Variants in B9D1 observed in about 807,000 individuals in gnomAD.
B9D1 encodes B9 domain-containing protein 1.
B9D1 carries 20 observed loss-of-function variants against 26.1 expected under a neutral mutation model. The ratio of observed to expected loss-of-function variants is 0.77; its 90% CI spans 0.54 to 1.12. The LOEUF is 1.12. B9D1 is among the 50% of genes most tolerant of loss of function. The pLI, the probability that B9D1 is intolerant of heterozygous loss-of-function variation, is 0.00. For missense variants in B9D1, 260 were observed against 273.7 expected (o/e 0.95, Z 0.35); for synonymous variants, 105 against 103.1 (o/e 1.02, Z -0.11).
At chr17:19,357,604 C>T in intron 3 of B9D1, 1 of 568,000 alleles carries the variant, frequency 1.8e-6, no homozygotes. Context: ...CCCTGATGCA[C>T]TCTGAACTTC....
chr17:19,343,747 AC>A (rs772723401), intron 6 of B9D1, 42 bp downstream of exon 6: 7 of 1,613,096 alleles, frequency 4.3e-6, no homozygotes, highest in Middle Eastern at 1.6e-4. Flanking sequence ...CCAGGCTGTA[AC>A]CTGTATGGGG....
chr17:19,373,304 T>G (rs1166188804), intron 1 of B9D1, among the ~76,000 whole-genome samples: 3 of 152,154 alleles, frequency 2.0e-5, no homozygotes, highest in African/African-American at 7.2e-5. Flanking sequence ...CTGTTCTGCT[T>G]CTTGGTTCCT....
At chr17:19,363,866 G>C (rs1911421908), upstream of B9D1, 1 of 152,118 alleles carries the variant, frequency 6.6e-6, no homozygotes, top group South Asian at 2.1e-4. Flanking sequence ...TCAGGGGAGG[G>C]AGGCAGCGGG....
At chr17:19,342,406 T>TG (rs34146414), downstream of B9D1, among the ~76,000 whole-genome samples, 3 of 151,002 alleles carry the variant, frequency 2.0e-5, no homozygotes, top group Admixed American at 6.6e-5. Flanking sequence ...GGCTGGGAGG[T>TG]GGGGGTTTGC....
chr17:19,346,529 G>A (rs1274470350), intron 5 of B9D1, among the ~76,000 whole-genome samples: 1 of 152,194 alleles, frequency 6.6e-6, no homozygotes, highest in East Asian at 1.9e-4. Flanking sequence ...CTGCCCAACT[G>A]CGCTAATGGT....
chr17:19,365,847 T>C (rs1911564741), upstream of B9D1, among the ~76,000 whole-genome samples: 6 of 141,588 alleles, frequency 4.2e-5, no homozygotes, highest in South Asian at 1.3e-3. The surrounding 1 kb of genome is among the most constrained non-coding windows in gnomAD (Gnocchi z 5.0). Flanking sequence ...GTAGCTATTC[T>C]TTTTTTTTTT....
intron 1 of B9D1, among the ~76,000 whole-genome samples, chr17:19,361,759 A>C (rs1024088466): frequency 1.3e-5 from 2 of 152,212 alleles, no homozygotes; most frequent in African/African-American, 4.8e-5. Flanking sequence ...ATAATAATAA[A>C]CACCACCTCC....
At position 19,343,706 on chromosome 17, in the gene B9D1, G is replaced by C. The variant is rs745423940; in HGVS notation, c.472+84C>G. On this transcript the variant is annotated intron_variant, in intron 6 of 6. Transcript: ENST00000261499. ...CTCCTATGTGCCTGGCAGGTCCCCG[G>C]CATTCACCCCAACCCTGGGCCCACC... is the stretch of plus-strand genomic sequence containing the variant. 4 of 1,613,014 alleles carry C rather than the reference G, an allele frequency of 2.5e-6. No individual in the cohort carries two copies. The African/African-American group carries it at 4.0e-5, about 16-fold the overall frequency.
upstream of B9D1, chr17:19,362,989 C>G (rs1280435603): frequency 3.6e-6 from 1 of 277,168 alleles, no homozygotes; most frequent in Non-Finnish European, 7.4e-6. Context: ...CCGACTCACG[C>G]CCTCAGCAAG....
rs774504181 is a variant in B9D1 at position 19,347,899 on chromosome 17, G to T, written c.245-19C>A. 97 of 1,609,796 alleles carry T rather than the reference G, an allele frequency of 6.0e-5. 2 individuals carry two copies. The highest frequency in any genetic ancestry group is 3.1e-4 in the East Asian group (14 of 44,856). On this transcript the variant is annotated intron_variant, in intron 3 of 6. Coordinates refer to ENST00000261499, the MANE Select transcript of B9D1 (RefSeq NM_015681.6). This position sits in a 1 kb window ranked among gnomAD's most constrained non-coding sequence, Gnocchi z 4.3. ...TGTGGCCCTTGGGAAGGACAAGGCA[G>T]GGGGTGGGCACATGAGGACACACAG...
intron 5 of B9D1, among the ~76,000 whole-genome samples, chr17:19,345,851 C>T (rs1273935501): frequency 1.2e-4 from 19 of 152,154 alleles, no homozygotes; most frequent in Admixed American, 1.1e-3. Flanking sequence ...TGGGGATGAC[C>T]GAGGTGTCAG....
At chr17:19,339,411 C>G (rs773038411), downstream of B9D1, among the ~76,000 whole-genome samples, 2 of 152,280 alleles carry the variant, frequency 1.3e-5, no homozygotes, top group Admixed American at 6.5e-5. Flanking sequence ...AGAGTCTTAG[C>G]AAATGTCTTG....
upstream of B9D1, chr17:19,363,598 G>T (rs1911399969): frequency 6.6e-6 from 1 of 152,366 alleles, no homozygotes; most frequent in Admixed American, 6.5e-5. Context: ...AGCCCCAACA[G>T]CATCTGTTGG....
chr17:19,343,872 G>T lies in B9D1; in HGVS notation c.405-15C>A, dbSNP rs1272687616. The stretch of plus-strand genomic sequence containing the variant: ...CCATGAACCAGCTGGGAACACAGAA[G>T]AACACAGGTGAGCAGGGCCCCACCT... On this transcript the variant is annotated splice_polypyrimidine_tract_variant and intron_variant, in intron 5 of 6. Transcript: ENST00000261499. 6.2e-7 allele frequency: 1 copy of T among 1,613,780 alleles called. No homozygotes were observed. Among genetic ancestry groups the T allele is most frequent in the Admixed American group, 1.7e-5 (1 of 60,018 alleles).
downstream of B9D1, chr17:19,337,688 G>A (rs1907561927): frequency 1.3e-6 from 2 of 1,530,996 alleles, no homozygotes; most frequent in Non-Finnish European, 1.8e-6. Context: ...CAGTGACTCA[G>A]GGACTCAAGC....
At chr17:19,343,522 T>G in intron 6 of B9D1, 61 bp from the exon 7 acceptor site, 1 of 1,610,648 alleles carries the variant, frequency 6.2e-7, no homozygotes, top group Non-Finnish European at 8.5e-7. Flanking sequence ...CCCAGGTTGA[T>G]CTGGGAATCT....
upstream of B9D1, among the ~76,000 whole-genome samples, chr17:19,364,976 C>T (rs888097754): frequency 1.3e-5 from 2 of 152,250 alleles, no homozygotes; most frequent in Non-Finnish European, 2.9e-5. This position sits in a 1 kb window ranked among gnomAD's most constrained non-coding sequence, Gnocchi z 4.3. Context: ...AGAGCCCCTG[C>T]AGGGTCCCAA....
At position 19,372,539 on chromosome 17, in the gene B9D1, T is replaced by C. The variant is rs1468938489; in HGVS notation, c.-298+5320A>G. On this transcript the variant is annotated intron_variant, in intron 1 of 5. Coordinates refer to the B9D1 transcript ENST00000477478. This position sits in a 1 kb window ranked among gnomAD's most constrained non-coding sequence, Gnocchi z 4.4. The stretch of plus-strand genomic sequence containing the variant: ...CGTCTATTAGGTCCTGACTTACATG[T>C]CACTTCCAGGGCCCCTTCCCGACTT... Among the ~76,000 whole-genome samples, 2 of 152,142 alleles carry C rather than the reference T, an allele frequency of 1.3e-5. No individual in the cohort carries two copies. The highest frequency in any genetic ancestry group is 4.8e-5 in the African/African-American group (2 of 41,420).
At chr17:19,344,163 C>T (rs1211323684) in intron 5 of B9D1, among the ~76,000 whole-genome samples, 1 of 152,150 alleles carries the variant, frequency 6.6e-6, no homozygotes, top group Non-Finnish European at 1.5e-5. Context: ...GGAATGAGAG[C>T]TCAGGAAGAT....
Sources: gnomAD v4.1 joint callset for allele counts (sites outside exome capture counted in the v4.1 genomes callset) on GRCh38, gnomAD v4.1.1 for gene constraint, Gnocchi (gnomAD v3.1) non-coding constraint, MANE v1.5 for transcripts, NCBI Gene and HGNC (gene_info 2026-07-23, HGNC 2026-07-21) for gene names.